GLIS1: variants seen among roughly 807,000 people sequenced by gnomAD.
GLIS1 encodes the protein zinc finger protein GLIS1.
Under a neutral mutation model 63.8 loss-of-function variants are expected in GLIS1, and 24 were observed. The ratio of observed to expected loss-of-function variants is 0.38; its 90% CI spans 0.27 to 0.53. GLIS1 has a LOEUF of 0.53. GLIS1 is among the 20% of genes least tolerant of loss of function. The probability of loss-of-function intolerance (pLI) is 0.85; values close to 1 mark genes in which losing one functional copy is unlikely to be tolerated. For missense variants in GLIS1, 1,036 were observed against 1,074.1 expected, an observed-to-expected ratio of 0.96 and a Z score of 0.50; for synonymous variants, 450 against 482.5, an observed-to-expected ratio of 0.93 and a Z score of 0.88.
At chr1:53,640,880 C>T (rs921068777) in intron 2 of GLIS1, among the ~76,000 whole-genome samples, 1 of 152,128 alleles carries the variant, frequency 6.6e-6, no homozygotes, top group South Asian at 2.1e-4. Flanking sequence ...GGAGTCTGGG[C>T]TTGGCTGAGA....
At chr1:53,589,126 GA>G (rs1569873908) in intron 4 of GLIS1, among the ~76,000 whole-genome samples, 1 of 152,144 alleles carries the variant, frequency 6.6e-6, no homozygotes, top group African/African-American at 2.4e-5. Flanking sequence ...TTGTTTTTGA[GA>G]CAGGGTCATG....
intron 2 of GLIS1, among the ~76,000 whole-genome samples, chr1:53,647,508 G>C (rs1267181878): frequency 6.6e-6 from 1 of 152,094 alleles, no homozygotes; most frequent in Non-Finnish European, 1.5e-5. Flanking sequence ...TCGGAAAAAA[G>C]AAACTTGACA....
chr1:53,626,628 G>T (rs147325164), intron 2 of GLIS1, among the ~76,000 whole-genome samples: 243 of 152,308 alleles, frequency 1.6e-3, no homozygotes, highest in Middle Eastern at 0.01. Flanking sequence ...GGTCTATTTT[G>T]ATGACAACCA....
At chr1:53,557,430 G>A (rs1003010298) in intron 4 of GLIS1, among the ~76,000 whole-genome samples, 2 of 152,152 alleles carry the variant, frequency 1.3e-5, no homozygotes, top group African/African-American at 4.8e-5. Context: ...CTAGAGGAAG[G>A]TTTAGGAGAC....
intron 2 of GLIS1, among the ~76,000 whole-genome samples, chr1:53,673,735 T>C (rs1298847847): frequency 1.3e-5 from 2 of 152,216 alleles, no homozygotes; most frequent in Non-Finnish European, 2.9e-5. Flanking sequence ...TATTTTTCTC[T>C]AGAACAAGAA....
chr1:53,596,279 A>C (rs1569888547), intron 3 of GLIS1, among the ~76,000 whole-genome samples: 1 of 152,118 alleles, frequency 6.6e-6, no homozygotes, highest in East Asian at 1.9e-4. Flanking sequence ...GAGTGGGGGG[A>C]CCAGGTAAGG....
At chr1:53,569,873 C>G (rs1269264949) in intron 4 of GLIS1, among the ~76,000 whole-genome samples, 1 of 151,942 alleles carries the variant, frequency 6.6e-6, no homozygotes, top group African/African-American at 2.4e-5. Context: ...TATAATACAT[C>G]TTTAAAAGAA....
At chr1:53,633,097 CTG>C (rs1645682934) in intron 2 of GLIS1, among the ~76,000 whole-genome samples, 1 of 89,618 alleles carries the variant, frequency 1.1e-5, no homozygotes, top group Admixed American at 1.2e-4. Context: ...ATGAGTGTGA[CTG>C]AGGGGTGTGT....
chr1:53,542,443 A>T (rs1372737387), intron 4 of GLIS1, among the ~76,000 whole-genome samples: 1 of 152,252 alleles, frequency 6.6e-6, no homozygotes, highest in Admixed American at 6.5e-5. Flanking sequence ...GCTGGCACAG[A>T]GCGGGTGTTC....
rs1376601954 is a variant in GLIS1 at position 53,737,820 on chromosome 1, G to A, written c.245C>T (p.Ala82Val). Reference sequence around the variant, plus strand: ...GCCGAACTCACCCTTCCCGGCGGCGGCGGCCTTGGATGGACCGTAGTCTCG... The same window carrying A: ...GCCGAACTCACCCTTCCCGGCGGCGACGGCCTTGGATGGACCGTAGTCTCG... The part of the protein sequence containing the change: ...SPRDYGPSKA[A>V]AAGKVNGSYG... The change falls in exon 2 of 11, where the codon GCC becomes GTC. Residue 82 changes from alanine (A) to valine (V), a missense_variant. By Grantham distance (64) the Ala-to-Val change is moderately conservative. This residue lies in a region of GLIS1 where 592 missense variants were observed against 593.9 expected (regional missense o/e 1.00). Transcript: ENST00000628545. 4.9e-6 allele frequency: 6 copies of A among 1,231,088 alleles called. No individual in the cohort carries two copies. In the East Asian group the frequency reaches 9.5e-5, roughly 19 times the overall value. 76.3% of individuals were successfully genotyped at this position (1,231,088 alleles called of 1,614,324 possible).
chr1:53,630,046 C>T (rs1051372618), intron 2 of GLIS1, among the ~76,000 whole-genome samples: 1 of 152,214 alleles, frequency 6.6e-6, no homozygotes, highest in Non-Finnish European at 1.5e-5. Context: ...TTCACTACAA[C>T]TTTCTATGTT....
intron 2 of GLIS1, among the ~76,000 whole-genome samples, chr1:53,659,084 C>A (rs994742017): frequency 1.3e-5 from 2 of 152,176 alleles, no homozygotes; most frequent in African/African-American, 4.8e-5. Context: ...TCCAGGTACA[C>A]CCATCTGGGC....
intron 4 of GLIS1, among the ~76,000 whole-genome samples, chr1:53,578,856 T>A (rs1645057476): frequency 6.6e-6 from 1 of 152,046 alleles, no homozygotes; most frequent in South Asian, 2.1e-4. Flanking sequence ...TGCAACAGGA[T>A]TTTCCTCCAC....
At chr1:53,685,583 G>A (rs1275210864) in intron 2 of GLIS1, among the ~76,000 whole-genome samples, 1 of 152,164 alleles carries the variant, frequency 6.6e-6, no homozygotes, top group Non-Finnish European at 1.5e-5. Flanking sequence ...CTGAGTTGCA[G>A]AGATCCCTGC....
At chr1:53,654,198 C>T (rs965203181) in intron 2 of GLIS1, among the ~76,000 whole-genome samples, 6 of 152,346 alleles carry the variant, frequency 3.9e-5, no homozygotes, top group Admixed American at 3.9e-4. Flanking sequence ...ATTGAGCACT[C>T]CTCTGTGCCA....
Position 53,576,116 on chromosome 1 carries a change from C to T in GLIS1, c.1320+17992G>A, listed in dbSNP as rs566189177. Among the ~76,000 whole-genome samples, 5 of 152,098 alleles carry T rather than the reference C, an allele frequency of 3.3e-5. No homozygotes were observed. In the South Asian group the frequency reaches 6.2e-4, roughly 19 times the overall value. On this transcript the variant is annotated intron_variant, in intron 4 of 10. Coordinates refer to ENST00000628545, the MANE Select transcript of GLIS1 (RefSeq NM_001367484.1). ...CGTCCCCCTCACCAGCTCCTGGAGACGTGTACCCCGGGTACTTCACACTCC... is the reference window on the plus strand; with the variant it reads ...CGTCCCCCTCACCAGCTCCTGGAGATGTGTACCCCGGGTACTTCACACTCC...
intron 4 of GLIS1, among the ~76,000 whole-genome samples, chr1:53,558,062 GGGCTGGC>G (rs1644850334): frequency 6.6e-6 from 1 of 152,190 alleles, no homozygotes; most frequent in Non-Finnish European, 1.5e-5. Flanking sequence ...AGGTCTGGAG[GGGCTGGC>G]AGTGCCCAGC....
chr1:53,706,153 C>T (rs558772482), intron 2 of GLIS1, among the ~76,000 whole-genome samples: 26 of 152,306 alleles, frequency 1.7e-4, no homozygotes, highest in African/African-American at 5.8e-4. Context: ...ACCAAGGAAA[C>T]AAGGCTTAGT....
Position 53,526,036 on chromosome 1 carries a change from C to T in GLIS1, c.1483-1149G>A, listed in dbSNP as rs146227089. ...CAGGACCCTGCTTGAGGACTCTGGC[C>T]GCTGCTGGGGCTTGAAGCTTACAAG... is the stretch of plus-strand genomic sequence containing the variant. On this transcript the variant is annotated intron_variant, in intron 5 of 10. Coordinates refer to ENST00000628545, the MANE Select transcript of GLIS1 (RefSeq NM_001367484.1). The surrounding 1 kb of genome is among the most constrained non-coding windows in gnomAD (Gnocchi z 4.4). Among the ~76,000 whole-genome samples the T allele has an allele frequency of 1.1e-4, 17 of 152,288 alleles. No individual in the cohort carries two copies. The East Asian group carries it at 3.1e-3, about 28-fold the overall frequency.
Sources: gnomAD v4.1 joint callset for allele counts (sites outside exome capture counted in the v4.1 genomes callset) on GRCh38, gnomAD v4.1.1 for gene constraint, gnomAD v4.1.1 regional missense constraint, Gnocchi (gnomAD v3.1) non-coding constraint, MANE v1.5 for transcripts, NCBI Gene and HGNC (gene_info 2026-07-23, HGNC 2026-07-21) for gene names.